Variants in ALDH8A1 observed in about 807,000 individuals in gnomAD.
ALDH8A1 encodes the protein aldehyde dehydrogenase 8 family member A1.
A neutral mutation model predicts 43.3 loss-of-function variants in ALDH8A1; 39 were observed. That is an observed-to-expected ratio of 0.90 (90% confidence interval 0.70 to 1.18). The LOEUF is 1.18. Ranked by LOEUF, ALDH8A1 falls within the 50% of genes most tolerant of loss-of-function variation. The pLI, the probability that ALDH8A1 is intolerant of heterozygous loss-of-function variation, is 0.00. For synonymous variants in ALDH8A1, 233 were observed against 243.5 expected (o/e 0.96, Z 0.40); for missense variants, 605 against 622.6 (o/e 0.97, Z 0.30).
chr6:134,926,249 C>T (rs985858630), intron 6 of ALDH8A1, among the ~76,000 whole-genome samples: 3 of 141,212 alleles, frequency 2.1e-5, no homozygotes, highest in African/African-American at 2.7e-5. Context: ...CATTCTGTGA[C>T]CCAGACTGGA....
chr6:134,933,004 C>T lies in ALDH8A1; in HGVS notation c.621G>A (p.Val207=), dbSNP rs74663775. 1.4e-3 allele frequency: 2,261 copies of T among 1,600,666 alleles called. 20 individuals carry two copies. In the African/African-American group the frequency reaches 0.023, roughly 16 times the overall value. The change falls in exon 5 of 7, where the codon GTG becomes GTA. Residue 207 remains valine (V), a synonymous_variant. Transcript: ENST00000265605. ...AGVPPGVVNI[V]FGTGPRVGEA... ...CACCCACCCTGGGCCCGGTTCCAAA[C>T]ACAATATTGACCACACCTGGTGGAA...
chr6:134,924,536 C>T (rs999214781), intron 6 of ALDH8A1, among the ~76,000 whole-genome samples: 1 of 152,210 alleles, frequency 6.6e-6, no homozygotes, highest in African/African-American at 2.4e-5. Flanking sequence ...CCCTCGTCTT[C>T]CTTTACCTCT....
chr6:134,943,559 T>C (rs1773898298), intron 2 of ALDH8A1, among the ~76,000 whole-genome samples: 1 of 152,222 alleles, frequency 6.6e-6, no homozygotes, highest in Admixed American at 6.5e-5. Flanking sequence ...CTTCCTTTCA[T>C]CCAATGAACA....
chr6:134,918,693 C>G lies in ALDH8A1; in HGVS notation c.1186G>C (p.Val396Leu), dbSNP rs753503411. ...CCMTEEIFGP[V>L]TCVVPFDSEE... ...CTATCAAAGGGGACGACACACGTCA[C>G]TGGACCAAATATCTCTTCCGTCATG... Residue 396 changes from valine (V) to leucine (L), a missense_variant, in exon 7 of 7, where the codon GTG becomes CTG. Physicochemically the swap from Val to Leu is conservative, Grantham distance 32. Coordinates refer to ENST00000265605, the MANE Select transcript of ALDH8A1 (RefSeq NM_022568.4). The G allele has an allele frequency of 8.7e-6, 14 of 1,614,080 alleles. No homozygotes were observed. Among genetic ancestry groups the G allele is most frequent in the African/African-American group, 1.3e-5 (1 of 74,934 alleles).
chr6:134,921,046 A>G (rs73547166), intron 6 of ALDH8A1, among the ~76,000 whole-genome samples: 34 of 152,366 alleles, frequency 2.2e-4, no homozygotes, highest in African/African-American at 8.2e-4. Context: ...CAAAAGATTT[A>G]GCATGACGCC....
chr6:134,931,417 C>T (rs543266040), intron 5 of ALDH8A1, among the ~76,000 whole-genome samples: 15 of 152,240 alleles, frequency 9.9e-5, no homozygotes, highest in Middle Eastern at 3.4e-3. Flanking sequence ...GCGCCCACCA[C>T]TATGCCCAGC....
chr6:134,918,126 T>C lies in ALDH8A1; in HGVS notation c.*289A>G, dbSNP rs543065672. On this transcript the variant is annotated 3_prime_UTR_variant, in exon 7 of 7. Coordinates refer to ENST00000265605, the MANE Select transcript of ALDH8A1 (RefSeq NM_022568.4). The stretch of plus-strand genomic sequence containing the variant: ...TATCTGGAGATTCCCAAGAGTTCAA[T>C]GAAGATGATGAAAGAAACACTATGA... 7.5e-6 allele frequency: 3 copies of C among 398,834 alleles called. 1 individual carries two copies. The highest frequency in any genetic ancestry group is 6.0e-5 in the African/African-American group (3 of 49,698). The allele number at this position is 398,834 out of a possible 1,614,324, so 24.7% of individuals were successfully genotyped here.
chr6:134,921,833 A>G lies in ALDH8A1; in HGVS notation c.1012-2966T>C, dbSNP rs559968797. The stretch of plus-strand genomic sequence containing the variant: ...CATTAGGAAAGATGACTGTCAGCAG[A>G]GGGCATCCACTGCCTCCTCCAGCCC... On this transcript the variant is annotated intron_variant, in intron 6 of 6. Coordinates refer to ENST00000265605, the MANE Select transcript of ALDH8A1 (RefSeq NM_022568.4). Among the ~76,000 whole-genome samples the G allele has an allele frequency of 1.7e-4, 26 of 152,332 alleles. 1 individual carries two copies. In the East Asian group the frequency reaches 4.8e-3, roughly 28 times the overall value.
rs534082327 is a variant in ALDH8A1, at chr6:134,946,786, G to GTGCACAGGTGCGCATGTGTGTGCGCA, written c.139-2821_139-2820insTGCGCACACACATGCGCACCTGTGCA. Among the ~76,000 whole-genome samples the GTGCACAGGTGCGCATGTGTGTGCGCA allele has an allele frequency of 3.1e-3, 466 of 150,150 alleles. 2 individuals carry two copies. The highest frequency in any genetic ancestry group is 0.01 in the Middle Eastern group (3 of 294). ...CACACAGGTGCGCATGTGTGCGCGC[G>GTGCACAGGTGCGCATGTGTGTGCGCA]CGCACAGGTGCGCATGTGTGCGTGC... On this transcript the variant is annotated intron_variant, in intron 1 of 6. Transcript: ENST00000265605.
intron 5 of ALDH8A1, among the ~76,000 whole-genome samples, chr6:134,930,588 A>G (rs889968639): frequency 1.3e-5 from 2 of 152,222 alleles, no homozygotes; most frequent in Non-Finnish European, 2.9e-5. Flanking sequence ...TCCAGATTAA[A>G]CTGTTAATGT....
rs531562668 is a variant in ALDH8A1 at position 134,948,427 on chromosome 6, T to A, written c.138+1489A>T. ...TGATAAATGTTTAATGTGATGGAGA[T>A]CCTAATTACCCTGATTTGATCATGA... is the stretch of plus-strand genomic sequence containing the variant. On this transcript the variant is annotated intron_variant, in intron 1 of 6. Coordinates refer to ENST00000265605, the MANE Select transcript of ALDH8A1 (RefSeq NM_022568.4). Among the ~76,000 whole-genome samples the A allele has an allele frequency of 5.3e-5, 8 of 152,292 alleles. No homozygotes were observed. In the East Asian group the frequency reaches 1.3e-3, roughly 26 times the overall value.
At chr6:134,926,926 G>A (rs538857140) in intron 6 of ALDH8A1, among the ~76,000 whole-genome samples, 2 of 152,260 alleles carry the variant, frequency 1.3e-5, no homozygotes, top group South Asian at 2.1e-4. Flanking sequence ...CTCCTAATGG[G>A]CACCCTTAAG....
chr6:134,938,878 A>G (rs1583032632), intron 4 of ALDH8A1, among the ~76,000 whole-genome samples: 1 of 152,128 alleles, frequency 6.6e-6, no homozygotes, highest in African/African-American at 2.4e-5. Context: ...CGATCTCCTG[A>G]CCTCGTGATC....
At chr6:134,926,137 A>G (rs1167099082) in intron 6 of ALDH8A1, among the ~76,000 whole-genome samples, 4 of 151,752 alleles carry the variant, frequency 2.6e-5, no homozygotes, top group Non-Finnish European at 4.4e-5. Flanking sequence ...TAATTATGAT[A>G]TTAGAGCAAG....
chr6:134,938,811 C>A (rs934060215), intron 4 of ALDH8A1, among the ~76,000 whole-genome samples: 8 of 152,028 alleles, frequency 5.3e-5, no homozygotes, highest in African/African-American at 1.7e-4. Flanking sequence ...CCACGCCCAG[C>A]TAATTTTTTG....
At chr6:134,937,277 G>A (rs1773758185) in intron 4 of ALDH8A1, among the ~76,000 whole-genome samples, 1 of 152,228 alleles carries the variant, frequency 6.6e-6, no homozygotes, top group South Asian at 2.1e-4. Flanking sequence ...GAACGAATTA[G>A]TTATTTTCGC....
In ALDH8A1 at chr6:134,918,598, A is replaced by G. The variant is rs751553521; in HGVS notation, c.1281T>C (p.Asn427=). The stretch of plus-strand genomic sequence containing the variant: ...TAGCCACCCGGTGGACGCGCCCCAC[A>G]TTGCTGGACCACACGGTAGCCGCCA... The part of the protein sequence containing the change: ...YGLAATVWSS[N]VGRVHRVAKK... Residue 427 remains asparagine, a synonymous_variant, in exon 7 of 7, where the codon AAT becomes AAC. Transcript: ENST00000265605. 22 of 1,613,914 alleles carry G rather than the reference A, an allele frequency of 1.4e-5. 1 individual carries two copies. The South Asian group carries it at 1.6e-4, about 12-fold the overall frequency.
chr6:134,929,001 T>C lies in ALDH8A1; in HGVS notation c.1011+53A>G, dbSNP rs1002600256. On this transcript the variant is annotated intron_variant, in intron 6 of 6. Coordinates refer to ENST00000265605, the MANE Select transcript of ALDH8A1 (RefSeq NM_022568.4). ...TGATTGTGCTATGCCTGTACTGAGC[T>C]TCTCTTCAAATAAGAACTTATTCTG... 8 of 1,590,794 alleles carry C rather than the reference T, an allele frequency of 5.0e-6. No individual in the cohort carries two copies. In the African/African-American group the frequency reaches 9.4e-5, roughly 19 times the overall value.
At chr6:134,946,771 C>T (rs959886826) in intron 1 of ALDH8A1, among the ~76,000 whole-genome samples, 9 of 149,686 alleles carry the variant, frequency 6.0e-5, no homozygotes, top group African/African-American at 1.8e-4. Context: ...CACACAGGTG[C>T]GCATGTGTGC....
Sources: allele counts gnomAD v4.1 joint callset (sites outside exome capture counted in the v4.1 genomes callset), GRCh38; gene constraint gnomAD v4.1.1; transcripts MANE v1.5; gene names NCBI Gene and HGNC (gene_info 2026-07-23, HGNC 2026-07-21).